AP1M1: variants seen among roughly 807,000 people sequenced by gnomAD.
The protein encoded by AP1M1 is adaptor related protein complex 1 subunit mu 1, also known as AP-1 complex subunit mu-1.
AP1M1 carries 18 observed loss-of-function variants against 57.1 expected under a neutral mutation model. That is an observed-to-expected ratio of 0.32 (90% confidence interval 0.22 to 0.47). The LOEUF is 0.47. AP1M1 is among the 20% of genes least tolerant of loss of function. The pLI is 1.00. For missense variants in AP1M1, 362 were observed against 593.5 expected (o/e 0.61, Z 4.05); for synonymous variants, 241 against 237.9 (o/e 1.01, Z -0.12).
At chr19:16,225,276 G>T (rs2091566353) in intron 5 of AP1M1, among the ~76,000 whole-genome samples, 1 of 152,248 alleles carries the variant, frequency 6.6e-6, no homozygotes, top group South Asian at 2.1e-4. Context: ...GACAGGAAAT[G>T]CAGGCCCTGC....
At chr19:16,198,821 T>A (rs2091435678) in intron 1 of AP1M1, among the ~76,000 whole-genome samples, 1 of 151,956 alleles carries the variant, frequency 6.6e-6, no homozygotes. Context: ...TTTTGTTTTG[T>A]TTTTGAGATA....
intron 5 of AP1M1, 107 bp downstream of exon 5, chr19:16,209,284 A>ACCAC: frequency 7.8e-7 from 1 of 1,285,164 alleles, no homozygotes; most frequent in Non-Finnish European, 1.1e-6. Context: ...TCTGTGTGGT[A>ACCAC]ACAGATAGCA....
Position 16,228,169 on chromosome 19 carries a change from C to G in AP1M1, c.849C>G (p.Ile283Met). The G allele has an allele frequency of 1.2e-6, 2 of 1,613,828 alleles. No individual in the cohort carries two copies. The highest frequency in any genetic ancestry group is 3.3e-5 in the Admixed American group (2 of 60,026). Reference protein sequence around the residue: ...VKPLIWIESVIEKHSHSRIEY... With the variant: ...VKPLIWIESVMEKHSHSRIEY... Reference sequence around the variant, plus strand: ...CTTTGATATGGATCGAGTCGGTGATCGAGAAGCACTCCCACAGCCGCATCG... The same window carrying G: ...CTTTGATATGGATCGAGTCGGTGATGGAGAAGCACTCCCACAGCCGCATCG... Residue 283 changes from isoleucine to methionine, a missense_variant, in exon 8 of 12, where the codon ATC (isoleucine) becomes ATG (methionine). By Grantham distance (10) the Ile-to-Met change is conservative (BLOSUM62 1). Transcript: ENST00000291439. The surrounding 1 kb of genome is among the most constrained non-coding windows in gnomAD (Gnocchi z 5.0).
At chr19:16,225,975 C>T (rs921540496) in intron 5 of AP1M1, among the ~76,000 whole-genome samples, 3 of 152,164 alleles carry the variant, frequency 2.0e-5, no homozygotes, top group African/African-American at 7.2e-5. Flanking sequence ...CCAGGTCCAG[C>T]CGAGCTCATG....
At chr19:16,221,920 A>G (rs897233767) in intron 5 of AP1M1, among the ~76,000 whole-genome samples, 2 of 152,176 alleles carry the variant, frequency 1.3e-5, no homozygotes, top group African/African-American at 2.4e-5. Flanking sequence ...TCCCAACCTC[A>G]GGTGATCCAC....
intron 5 of AP1M1, among the ~76,000 whole-genome samples, chr19:16,215,191 A>G (rs2091512503): frequency 2.0e-4 from 1 of 4,936 alleles, no homozygotes; most frequent in Admixed American, 2.2e-3. Flanking sequence ...TGGGAGGCTA[A>G]GGCGGGGGCG....
At chr19:16,213,941 G>T (rs189435223) in intron 5 of AP1M1, among the ~76,000 whole-genome samples, 2 of 152,150 alleles carry the variant, frequency 1.3e-5, no homozygotes, top group Admixed American at 1.3e-4. Context: ...TCATTGTGTT[G>T]TTAGCTGTTT....
chr19:16,242,315 A>G lies in AP1M1; in HGVS notation c.*7880A>G, dbSNP rs1461309562. 1 of 152,012 alleles carries G rather than the reference A, an allele frequency of 6.6e-6. No individual in the cohort carries two copies. The highest frequency in any genetic ancestry group is 6.6e-5 in the Admixed American group (1 of 15,260). 9.4% of individuals were successfully genotyped at this position (152,012 alleles called of 1,614,324 possible). A position where few individuals can be genotyped will look rare whatever the true frequency, so the allele number is the denominator to read the frequency against. Reference sequence around the variant, plus strand: ...ACAGAGTGACACCCTGCCTCAAAAAAAAAAAATAAAATAAAGGAAAAATCA... The same window carrying G: ...ACAGAGTGACACCCTGCCTCAAAAAGAAAAAATAAAATAAAGGAAAAATCA... On this transcript the variant is annotated 3_prime_UTR_variant, in exon 12 of 12. Coordinates refer to ENST00000291439, the MANE Select transcript of AP1M1 (RefSeq NM_032493.4).
At position 16,228,064 on chromosome 19, in the gene AP1M1, T is replaced by C; in HGVS notation, c.817-73T>C. ...GGCAGATGGTCCCTTGCCCTGGGCC[T>C]TGGTTTCCCCTCTGAAATGGGCCTT... On this transcript the variant is annotated intron_variant, in intron 7 of 11. Coordinates refer to ENST00000291439, the MANE Select transcript of AP1M1 (RefSeq NM_032493.4). The surrounding 1 kb of genome is among the most constrained non-coding windows in gnomAD (Gnocchi z 5.0). The C allele has an allele frequency of 6.7e-7, 1 of 1,493,596 alleles. No homozygotes were observed. The highest frequency in any genetic ancestry group is 9.3e-7 in the Non-Finnish European group (1 of 1,079,674). 92.5% of individuals were successfully genotyped at this position (1,493,596 alleles called of 1,614,324 possible).
intron 1 of AP1M1, among the ~76,000 whole-genome samples, chr19:16,202,603 G>A (rs535123327): frequency 3.9e-5 from 6 of 152,244 alleles, no homozygotes; most frequent in South Asian, 4.1e-4. Context: ...ATGAGCTCTC[G>A]TTTGTCTGGT....
chr19:16,242,156 A>C lies in AP1M1; in HGVS notation c.*7721A>C, dbSNP rs535631817. On this transcript the variant is annotated 3_prime_UTR_variant, in exon 12 of 12. Coordinates refer to ENST00000291439, the MANE Select transcript of AP1M1 (RefSeq NM_032493.4). Reference sequence around the variant, plus strand: ...CAACATGGAGAAACTCTGTCTCTACAAAAATTAGCCAGGCATGGTGGCGCA... The same window carrying C: ...CAACATGGAGAAACTCTGTCTCTACCAAAATTAGCCAGGCATGGTGGCGCA... 2.6e-5 allele frequency: 4 copies of C among 152,134 alleles called. No homozygotes were observed. Among genetic ancestry groups the C allele is most frequent in the Non-Finnish European group, 5.9e-5 (4 of 68,114 alleles). 9.4% of individuals were successfully genotyped at this position (152,134 alleles called of 1,614,324 possible).
intron 5 of AP1M1, among the ~76,000 whole-genome samples, chr19:16,217,872 G>A (rs912289436): frequency 2.6e-5 from 4 of 152,282 alleles, no homozygotes; most frequent in East Asian, 3.9e-4. Context: ...GGCAGAACTC[G>A]ACTTAGGAGG....
chr19:16,229,228 G>A (rs1294672945), intron 9 of AP1M1, among the ~76,000 whole-genome samples: 1 of 152,178 alleles, frequency 6.6e-6, no homozygotes, highest in Non-Finnish European at 1.5e-5. Context: ...GATGTGAGAT[G>A]GGGCTCCTGT....
At chr19:16,219,447 G>T (rs2091533208) in intron 5 of AP1M1, among the ~76,000 whole-genome samples, 1 of 150,146 alleles carries the variant, frequency 6.7e-6, no homozygotes, top group Non-Finnish European at 1.5e-5. Context: ...GCCCAGGCTG[G>T]AGTGCAATGG....
chr19:16,207,586 C>T lies in AP1M1; in HGVS notation c.268-433C>T, dbSNP rs2145117988. Among the ~76,000 whole-genome samples the T allele has an allele frequency of 6.6e-6, 1 of 152,334 alleles. No individual in the cohort carries two copies. The highest frequency in any genetic ancestry group is 3.4e-3 in the Middle Eastern group (1 of 294). On this transcript the variant is annotated intron_variant, in intron 3 of 11. Coordinates refer to ENST00000291439, the MANE Select transcript of AP1M1 (RefSeq NM_032493.4). This position sits in a 1 kb window ranked among gnomAD's most constrained non-coding sequence, Gnocchi z 4.2. ...TCTAACAGCCCCTCTTCTTTGGCGT[C>T]CCTTCCTTAACCTTCTGAGCTTTCC...
chr19:16,208,899 C>T, intron 4 of AP1M1, 131 bp from the exon 5 acceptor site: 1 of 1,109,582 alleles, frequency 9.0e-7, no homozygotes, highest in Non-Finnish European at 1.3e-6. Flanking sequence ...CTGCTGAAAT[C>T]CAAGGGCTAT....
intron 5 of AP1M1, among the ~76,000 whole-genome samples, chr19:16,224,026 G>A (rs534466494): frequency 1.3e-5 from 2 of 152,360 alleles, no homozygotes; most frequent in East Asian, 1.9e-4. Flanking sequence ...AGCCCCAGAC[G>A]TGTGCACTTG....
rs1156911636 is a variant in AP1M1, at chr19:16,217,356, C to T, written c.546+8179C>T. ...GGCAACAGTGGCACAGCAGGGTGCA[C>T]ACACAGGCATGCTGTTGGGGAAGGG... On this transcript the variant is annotated intron_variant, in intron 5 of 11. Coordinates refer to ENST00000291439, the MANE Select transcript of AP1M1 (RefSeq NM_032493.4). Among the ~76,000 whole-genome samples the T allele has an allele frequency of 4.6e-5, 7 of 152,228 alleles. No homozygotes were observed. The Middle Eastern group carries it at 0.014, about 296-fold the overall frequency.
chr19:16,222,199 A>ATTTTTTTTTTTTTTTTT (rs1568353073), intron 5 of AP1M1, among the ~76,000 whole-genome samples: 1 of 130,182 alleles, frequency 7.7e-6, no homozygotes, highest in African/African-American at 2.9e-5. Context: ...TATTATTACT[A>ATTTTTTTTTTTTTTTTT]TTATTATTAT....
Sources: allele counts gnomAD v4.1 joint callset (sites outside exome capture counted in the v4.1 genomes callset), GRCh38; gene constraint gnomAD v4.1.1; non-coding constraint Gnocchi (gnomAD v3.1); transcripts MANE v1.5; gene names NCBI Gene and HGNC (gene_info 2026-07-23, HGNC 2026-07-21).